SMCHD1: variants seen among roughly 807,000 people sequenced by gnomAD.
SMCHD1 encodes structural maintenance of chromosomes flexible hinge domain containing 1, also known as structural maintenance of chromosomes flexible hinge domain-containing protein 1.
SMCHD1 carries 78 observed loss-of-function variants against 254.7 expected under a neutral mutation model. The observed-to-expected ratio is 0.31, with a 90% confidence interval of 0.26 to 0.37. SMCHD1 has a LOEUF of 0.37. Among genes scored for constraint, SMCHD1 ranks in the 10% least tolerant of loss-of-function variants. The pLI is 1.00. For synonymous variants in SMCHD1, 766 were observed against 794.9 expected, an observed-to-expected ratio of 0.96 and a Z score of 0.61; for missense variants, 1,840 against 2,408.1, an observed-to-expected ratio of 0.76 and a Z score of 4.94.
intron 7 of SMCHD1, among the ~76,000 whole-genome samples, chr18:2,693,601 C>T (rs1057434929): frequency 3.9e-5 from 6 of 151,924 alleles, no homozygotes; most frequent in African/African-American, 9.7e-5. Flanking sequence ...CACACAAACG[C>T]GCATGCGTGC....
At chr18:2,728,258 A>G (rs926522893) in intron 22 of SMCHD1, 199 bp from the exon 23 acceptor site, 4 of 515,294 alleles carry the variant, frequency 7.8e-6, no homozygotes, top group African/African-American at 2.0e-5. Flanking sequence ...ATTTTATACA[A>G]TTGAGATAAG....
Position 2,739,933 on chromosome 18 carries a change from T to C in SMCHD1, c.3514+413T>C, listed in dbSNP as rs573475045. Among the ~76,000 whole-genome samples, 6 of 152,104 alleles carry C rather than the reference T, an allele frequency of 3.9e-5. No individual in the cohort carries two copies. In the East Asian group the frequency reaches 1.2e-3, roughly 29 times the overall value. On this transcript the variant is annotated intron_variant, in intron 27 of 47. Coordinates refer to ENST00000320876, the MANE Select transcript of SMCHD1 (RefSeq NM_015295.3). ...TACTGTACTCCTAAAAAAATTCTTTTTTTTTTTTTTAACATTATACTTTAA... is the reference window on the plus strand; with the variant it reads ...TACTGTACTCCTAAAAAAATTCTTTCTTTTTTTTTTAACATTATACTTTAA...
At chr18:2,689,085 G>A (rs2074114230) in intron 7 of SMCHD1, among the ~76,000 whole-genome samples, 1 of 152,010 alleles carries the variant, frequency 6.6e-6, no homozygotes, top group Non-Finnish European at 1.5e-5. Context: ...ATGAGAGATT[G>A]CTCTTACAAG....
chr18:2,774,270 C>A (rs2143762924), intron 41 of SMCHD1, among the ~76,000 whole-genome samples: 1 of 152,258 alleles, frequency 6.6e-6, no homozygotes, highest in East Asian at 1.9e-4. Context: ...TCATTTGCCT[C>A]TACTAATTCT....
intron 44 of SMCHD1, among the ~76,000 whole-genome samples, chr18:2,783,096 T>C (rs1359356286): frequency 2.6e-5 from 4 of 152,212 alleles, no homozygotes; most frequent in Non-Finnish European, 5.9e-5. Flanking sequence ...TAAAAATTAG[T>C]GTTTTTCTTC....
At chr18:2,701,108 C>T in intron 12 of SMCHD1, 190 bp downstream of exon 12, 2 of 440,552 alleles carry the variant, frequency 4.5e-6, no homozygotes, top group Non-Finnish European at 8.0e-6. Context: ...ATGACTAAAC[C>T]TACCTAGTAA....
At chr18:2,781,126 G>GGGGAGT (rs1365619216) in intron 44 of SMCHD1, among the ~76,000 whole-genome samples, 1 of 152,176 alleles carries the variant, frequency 6.6e-6, no homozygotes, top group Non-Finnish European at 1.5e-5. Flanking sequence ...TAAACAACAT[G>GGGGAGT]GGGAGTCTGA....
chr18:2,762,587 C>T lies in SMCHD1; in HGVS notation c.4566+351C>T, dbSNP rs528382614. On this transcript the variant is annotated intron_variant, in intron 36 of 47. Coordinates refer to ENST00000320876, the MANE Select transcript of SMCHD1 (RefSeq NM_015295.3). ...TAGCTCACTGCAACCTCAAGCAGTC[C>T]TCCCACCTCAGCCTCCTGAGTAGCT... Among the ~76,000 whole-genome samples, 74 of 151,132 alleles carry T rather than the reference C, an allele frequency of 4.9e-4. 1 individual carries two copies. The South Asian group carries it at 0.015, about 31-fold the overall frequency.
At chr18:2,708,785 T>G (rs952134370) in intron 17 of SMCHD1, among the ~76,000 whole-genome samples, 3 of 147,244 alleles carry the variant, frequency 2.0e-5, no homozygotes, top group Non-Finnish European at 4.5e-5. Flanking sequence ...CCAGCTAATT[T>G]TTGTATTTTT....
intron 7 of SMCHD1, among the ~76,000 whole-genome samples, chr18:2,689,887 GGTGGTGT>G (rs1482927865): frequency 6.0e-5 from 9 of 149,974 alleles, no homozygotes; most frequent in Non-Finnish European, 1.0e-4. Context: ...AGCCGGGTGT[GGTGGTGT>G]GCGCCTGTAG....
intron 46 of SMCHD1, 40 bp downstream of exon 46, chr18:2,796,147 T>A: frequency 7.1e-7 from 1 of 1,415,580 alleles, no homozygotes. Flanking sequence ...TTTCTTTATA[T>A]GGAGATAAAT....
intron 17 of SMCHD1, among the ~76,000 whole-genome samples, chr18:2,711,481 CTTTTT>C (rs752950626): frequency 8.9e-6 from 1 of 112,502 alleles, no homozygotes; most frequent in Admixed American, 1.0e-4. Flanking sequence ...GGATGTTTGT[CTTTTT>C]TTTTTTTTTT....
intron 22 of SMCHD1, 165 bp from the exon 23 acceptor site, chr18:2,728,292 C>A (rs937371056): frequency 2.4e-5 from 15 of 630,858 alleles, no homozygotes; most frequent in Non-Finnish European, 4.0e-5. Context: ...TGAATCTGTG[C>A]ATTTTGGGAT....
At chr18:2,719,677 A>AATT in intron 19 of SMCHD1, among the ~76,000 whole-genome samples, 1 of 144,848 alleles carries the variant, frequency 6.9e-6, no homozygotes, top group South Asian at 2.2e-4. Context: ...ACTGCACCTA[A>AATT]TTTTTTTTTT....
intron 34 of SMCHD1, among the ~76,000 whole-genome samples, chr18:2,754,166 A>C (rs2075629015): frequency 6.6e-6 from 1 of 152,192 alleles, no homozygotes; most frequent in Admixed American, 6.5e-5. Context: ...TTATATAAGC[A>C]AATGTGTTAA....
intron 39 of SMCHD1, among the ~76,000 whole-genome samples, chr18:2,770,834 T>C (rs1002915943): frequency 6.6e-6 from 1 of 152,120 alleles, no homozygotes; most frequent in South Asian, 2.1e-4. Flanking sequence ...TTGGCCGGGC[T>C]GGTCTCGAAC....
At chr18:2,776,191 CAT>C (rs2076063236) in intron 42 of SMCHD1, among the ~76,000 whole-genome samples, 1 of 152,030 alleles carries the variant, frequency 6.6e-6, no homozygotes, top group Non-Finnish European at 1.5e-5. Flanking sequence ...CACACAAAGA[CAT>C]AAAAACACAC....
At chr18:2,681,196 T>G (rs1297885455) in intron 5 of SMCHD1, among the ~76,000 whole-genome samples, 1 of 152,094 alleles carries the variant, frequency 6.6e-6, no homozygotes, top group East Asian at 1.9e-4. Context: ...GCGGATCACC[T>G]GAGGTCAGGA....
chr18:2,678,855 G>GTT (rs869076850), intron 5 of SMCHD1, among the ~76,000 whole-genome samples: 4,131 of 28,126 alleles, frequency 0.15, 206 homozygotes, highest in African/African-American at 0.2. Flanking sequence ...TTGTTTTTTT[G>GTT]TTTTTTTTTT....
Sources: gnomAD v4.1 joint callset for allele counts (sites outside exome capture counted in the v4.1 genomes callset) on GRCh38, gnomAD v4.1.1 for gene constraint, MANE v1.5 for transcripts, NCBI Gene and HGNC (gene_info 2026-07-23, HGNC 2026-07-21) for gene names.